SNRPA1: variants seen among roughly 807,000 people sequenced by gnomAD.
The protein encoded by SNRPA1 is U2 small nuclear ribonucleoprotein A'.
Under a neutral mutation model 32.3 loss-of-function variants are expected in SNRPA1, and 5 were observed. The observed-to-expected ratio is 0.15, with a 90% CI of 0.08 to 0.33. The LOEUF (loss-of-function observed/expected upper bound fraction) is 0.33, where lower values mean the gene tolerates loss of function less well. SNRPA1 is among the 10% of genes least tolerant of loss of function. SNRPA1 has a pLI of 1.00. For missense variants in SNRPA1, 198 were observed against 311.1 expected (o/e 0.64, Z 2.74); for synonymous variants, 111 against 120.1 (o/e 0.92, Z 0.50).
rs749944550 is a variant in SNRPA1 at position 101,281,680 on chromosome 15, G to A, written c.*44C>T. ...CTATTATACCATGTTCGAAAAGCAAGACTTGTTCCAAGAGGGCCTATTATT... is the reference window on the plus strand; with the variant it reads ...CTATTATACCATGTTCGAAAAGCAAAACTTGTTCCAAGAGGGCCTATTATT... On this transcript the variant is annotated 3_prime_UTR_variant, in exon 9 of 9. Transcript: ENST00000254193. The A allele has an allele frequency of 8.2e-6, 12 of 1,455,886 alleles. No individual in the cohort carries two copies. The highest frequency in any genetic ancestry group is 1.2e-5 in the Non-Finnish European group (12 of 1,035,732). The allele number at this position is 1,455,886 out of a possible 1,614,324, so 90.2% of individuals were successfully genotyped here. A position where few individuals can be genotyped will look rare whatever the true frequency, so the allele number is the denominator to read the frequency against.
chr15:101,294,962 C>T, intron 1 of SNRPA1, 135 bp downstream of exon 1: 1 of 527,214 alleles, frequency 1.9e-6, no homozygotes, highest in South Asian at 2.7e-5. Flanking sequence ...GCCCGGCGTT[C>T]CCTGCGCAGC....
chr15:101,289,216 T>G (rs1319944955), intron 3 of SNRPA1, among the ~76,000 whole-genome samples: 139 of 152,320 alleles, frequency 9.1e-4, no homozygotes, highest in Non-Finnish European at 1.6e-4. Flanking sequence ...GGCGATGTAG[T>G]GATGGGCTTC....
intron 1 of SNRPA1, among the ~76,000 whole-genome samples, chr15:101,293,702 GGT>G (rs2039553890): frequency 6.6e-6 from 1 of 152,074 alleles, no homozygotes; most frequent in African/African-American, 2.4e-5. Context: ...GAAGATCAAT[GGT>G]TTAAATACAG....
At chr15:101,294,897 G>C (rs1009810035) in intron 1 of SNRPA1, 200 bp downstream of exon 1, 1 of 438,462 alleles carries the variant, frequency 2.3e-6, no homozygotes, top group Non-Finnish European at 4.1e-6. Flanking sequence ...GGCGCTAACA[G>C]AAGGCTCCCA....
Position 101,293,154 on chromosome 15 carries a change from A to C in SNRPA1, c.101T>G (p.Ile34Ser). 6.2e-7 allele frequency: 1 copy of C among 1,609,424 alleles called. No individual in the cohort carries two copies. Residue 34 changes from isoleucine to serine, a missense_variant, in exon 2 of 9, where the codon ATT becomes AGT. Physicochemically the swap from Ile to Ser is moderately radical, Grantham distance 142. Transcript: ENST00000254193. ...GTCTAACGTAGCACCTAGATTTTCA[A>C]TGACGGGAATTTTATACCCTATAAA... is the stretch of plus-strand genomic sequence containing the variant. ...LDLRGYKIPV[I>S]ENLGATLDQF...
intron 3 of SNRPA1, among the ~76,000 whole-genome samples, chr15:101,289,659 C>T (rs575268081): frequency 5.9e-5 from 9 of 151,962 alleles, no homozygotes; most frequent in Admixed American, 1.3e-4. Flanking sequence ...GAGCTGGGCG[C>T]GGTGACTCAC....
chr15:101,283,894 C>T (rs1027305390), intron 8 of SNRPA1, among the ~76,000 whole-genome samples: 1 of 152,226 alleles, frequency 6.6e-6, no homozygotes, highest in Non-Finnish European at 1.5e-5. Flanking sequence ...GAGCCGAGAT[C>T]GCGCCACTGC....
intron 8 of SNRPA1, among the ~76,000 whole-genome samples, chr15:101,282,642 C>A (rs982211002): frequency 6.6e-6 from 1 of 152,148 alleles, no homozygotes; most frequent in Admixed American, 6.5e-5. Flanking sequence ...TTTACCCGTA[C>A]ATGATTTCGT....
At chr15:101,294,481 G>A (rs575851001) in intron 1 of SNRPA1, among the ~76,000 whole-genome samples, 2 of 152,310 alleles carry the variant, frequency 1.3e-5, no homozygotes, top group South Asian at 2.1e-4. Flanking sequence ...AAATAGTACA[G>A]GAATCTGAAT....
intron 4 of SNRPA1, 38 bp from the exon 5 acceptor site, chr15:101,287,048 A>G (rs767670848): frequency 4.5e-6 from 5 of 1,103,468 alleles, no homozygotes; most frequent in Admixed American, 1.7e-5. Context: ...AAACTTGTTC[A>G]TGGCACAGCA....
At chr15:101,283,194 T>C (rs1213558399) in intron 8 of SNRPA1, among the ~76,000 whole-genome samples, 7 of 152,182 alleles carry the variant, frequency 4.6e-5, no homozygotes, top group Non-Finnish European at 7.4e-5. Context: ...TTCTACCCAC[T>C]ATTGCTCCAT....
intron 1 of SNRPA1, among the ~76,000 whole-genome samples, chr15:101,294,429 C>G (rs1374088397): frequency 2.0e-5 from 3 of 152,224 alleles, no homozygotes; most frequent in Non-Finnish European, 2.9e-5. Flanking sequence ...TGCCAACTAG[C>G]TAGCTGCCCT....
chr15:101,286,948 G>A lies in SNRPA1; in HGVS notation c.419C>T (p.Pro140Leu), dbSNP rs757317130. The A allele has an allele frequency of 4.4e-6, 7 of 1,606,656 alleles. No homozygotes were observed. Among genetic ancestry groups the A allele is most frequent in the South Asian group, 1.1e-5 (1 of 90,760 alleles). Residue 140 changes from proline to leucine, a missense_variant, in exon 5 of 9, where the codon CCG (proline) becomes CTG (leucine). Transcript: ENST00000254193. ...CTGGAAATCCAGTACTCTGACTTGC[G>A]GAACTTTATAAATCACATACAATCT... The part of the protein sequence containing the change: ...HYRLYVIYKV[P>L]QVRVLDFQKV...
intron 6 of SNRPA1, 92 bp from the exon 7 acceptor site, chr15:101,285,893 G>C: frequency 2.2e-6 from 2 of 919,438 alleles, no homozygotes; most frequent in Non-Finnish European, 3.5e-6. Context: ...AATTCAACCA[G>C]TGTAGTATCT....
intron 6 of SNRPA1, 165 bp downstream of exon 6, chr15:101,286,049 T>C (rs991635798): frequency 1.5e-5 from 10 of 659,356 alleles, no homozygotes; most frequent in Non-Finnish European, 2.6e-5. Context: ...TAGAAATTTC[T>C]TGTGATGTGT....
intron 1 of SNRPA1, among the ~76,000 whole-genome samples, chr15:101,293,873 C>G (rs907882961): frequency 6.6e-6 from 1 of 152,216 alleles, no homozygotes; most frequent in Non-Finnish European, 1.5e-5. Context: ...ACTACACGTA[C>G]TGCATCAAAA....
At position 101,285,203 on chromosome 15, in the gene SNRPA1, T is replaced by C. The variant is rs2039441546; in HGVS notation, c.616-143A>G. 4 of 587,230 alleles carry C rather than the reference T, an allele frequency of 6.8e-6. No homozygotes were observed. The East Asian group carries it at 8.7e-5, about 13-fold the overall frequency. 36.4% of individuals were successfully genotyped at this position (587,230 alleles called of 1,614,324 possible). ...AAATACTTTGGTGTAGGGGGAAGAA[T>C]GTTATTGGCCCACAAAAATAAAACT... On this transcript the variant is annotated intron_variant, in intron 7 of 8. Coordinates refer to ENST00000254193, the MANE Select transcript of SNRPA1 (RefSeq NM_003090.4).
chr15:101,284,885 A>G (rs992008974), intron 8 of SNRPA1, 82 bp downstream of exon 8: 2 of 1,006,770 alleles, frequency 2.0e-6, no homozygotes, highest in Non-Finnish European at 3.2e-6. Context: ...CTGGCATTCC[A>G]GAGTCATGGC....
At chr15:101,291,318 T>C (rs549364667) in intron 3 of SNRPA1, among the ~76,000 whole-genome samples, 2 of 152,334 alleles carry the variant, frequency 1.3e-5, no homozygotes. Flanking sequence ...AAGTGGATTG[T>C]TCATCTAACG....
Sources: allele counts gnomAD v4.1 joint callset (sites outside exome capture counted in the v4.1 genomes callset), GRCh38; gene constraint gnomAD v4.1.1; transcripts MANE v1.5; gene names NCBI Gene and HGNC (gene_info 2026-07-23, HGNC 2026-07-21).